FAT3: variants seen among roughly 807,000 people sequenced by gnomAD.
FAT3 encodes protocadherin Fat 3.
Under a neutral mutation model 310.2 loss-of-function variants are expected in FAT3, and 95 were observed. The observed-to-expected ratio is 0.31, with a 90% CI of 0.26 to 0.36. The LOEUF (loss-of-function observed/expected upper bound fraction) is 0.36, where lower values mean the gene tolerates loss of function less well. Among genes scored for constraint, FAT3 ranks in the 10% least tolerant of loss-of-function variants. The pLI is 1.00. For synonymous variants in FAT3, 2,314 were observed against 2,192.9 expected (o/e 1.06, Z -1.54); for missense variants, 5,408 against 5,715.6 (o/e 0.95, Z 1.74).
chr11:92,239,491 G>T (rs1864579738), intron 1 of FAT3, among the ~76,000 whole-genome samples: 1 of 152,122 alleles, frequency 6.6e-6, no homozygotes, highest in African/African-American at 2.4e-5. Context: ...CAGGCTCTCT[G>T]ACTCCACAAA....
intron 13 of FAT3, among the ~76,000 whole-genome samples, chr11:92,814,010 C>T (rs1258994593): frequency 6.6e-6 from 1 of 152,188 alleles, no homozygotes; most frequent in Non-Finnish European, 1.5e-5. Flanking sequence ...TTCAGGGAGC[C>T]TGTTCTTCTC....
chr11:92,475,158 G>C (rs1262010801), intron 2 of FAT3, among the ~76,000 whole-genome samples: 2 of 152,138 alleles, frequency 1.3e-5, no homozygotes, highest in East Asian at 3.9e-4. Flanking sequence ...TTTGAGGGTG[G>C]GGATTGTGTC....
chr11:92,616,581 T>C (rs541726845), intron 3 of FAT3, among the ~76,000 whole-genome samples: 1 of 152,362 alleles, frequency 6.6e-6, no homozygotes, highest in African/African-American at 2.4e-5. Context: ...TCGATGGTCT[T>C]TACAATTTGG....
chr11:92,476,274 C>A (rs1264832455), intron 2 of FAT3, among the ~76,000 whole-genome samples: 1 of 152,082 alleles, frequency 6.6e-6, no homozygotes, highest in Non-Finnish European at 1.5e-5. Flanking sequence ...AGCAATTGAC[C>A]AGATGGAAAT....
chr11:92,670,925 A>G (rs1187334932), intron 3 of FAT3, among the ~76,000 whole-genome samples: 1 of 152,158 alleles, frequency 6.6e-6, no homozygotes, highest in Non-Finnish European at 1.5e-5. Flanking sequence ...ACCCTTAAGT[A>G]GCTTTCCATT....
intron 2 of FAT3, chr11:92,400,075 A>C (rs751255861): frequency 3.3e-5 from 5 of 152,298 alleles, no homozygotes; most frequent in African/African-American, 7.2e-5. Flanking sequence ...TCAGGAAGGG[A>C]AAATACACTT....
chr11:92,681,332 G>A (rs1231751464), intron 3 of FAT3, among the ~76,000 whole-genome samples: 1 of 152,188 alleles, frequency 6.6e-6, no homozygotes, highest in Non-Finnish European at 1.5e-5. Context: ...CTTGGGAGGT[G>A]ACATTTGAAC....
At chr11:92,372,149 C>T (rs963252828) in intron 2 of FAT3, among the ~76,000 whole-genome samples, 12 of 152,122 alleles carry the variant, frequency 7.9e-5, no homozygotes, top group Non-Finnish European at 2.9e-5. Context: ...TCAAATCTGC[C>T]ACATAGACCA....
At chr11:92,539,607 G>C (rs1397146051) in intron 3 of FAT3, among the ~76,000 whole-genome samples, 6 of 152,098 alleles carry the variant, frequency 3.9e-5, no homozygotes, top group Non-Finnish European at 8.8e-5. Context: ...CAAGACAAAA[G>C]CACCTCACAG....
At chr11:92,663,657 C>G (rs960768356) in intron 3 of FAT3, among the ~76,000 whole-genome samples, 4 of 152,130 alleles carry the variant, frequency 2.6e-5, no homozygotes, top group African/African-American at 9.7e-5. Flanking sequence ...AGTTATCGCC[C>G]TTAAATGCTG....
chr11:92,438,179 T>C (rs1209479898), intron 2 of FAT3, among the ~76,000 whole-genome samples: 1 of 152,168 alleles, frequency 6.6e-6, no homozygotes, highest in Admixed American at 6.5e-5. Flanking sequence ...TAAGTAAGAA[T>C]TTAAAAATAA....
intron 20 of FAT3, among the ~76,000 whole-genome samples, chr11:92,858,831 T>C (rs1434541904): frequency 2.6e-5 from 4 of 152,198 alleles, no homozygotes; most frequent in Admixed American, 2.6e-4. Context: ...TGAAGGGGTA[T>C]CTTTTAATAA....
chr11:92,567,657 C>T (rs1447453918), intron 3 of FAT3, among the ~76,000 whole-genome samples: 2 of 151,862 alleles, frequency 1.3e-5, no homozygotes, highest in Non-Finnish European at 2.9e-5. Flanking sequence ...CAATGATAGA[C>T]TGGATTAAGA....
chr11:92,846,899 G>A (rs757024278), intron 19 of FAT3, among the ~76,000 whole-genome samples: 1 of 152,172 alleles, frequency 6.6e-6, no homozygotes, highest in Non-Finnish European at 1.5e-5. Flanking sequence ...GATTTTAGTG[G>A]TAAAGGAGCT....
At chr11:92,562,333 A>G (rs535285604) in intron 3 of FAT3, among the ~76,000 whole-genome samples, 9 of 152,162 alleles carry the variant, frequency 5.9e-5, no homozygotes, top group Non-Finnish European at 1.3e-4. Context: ...CTCTTTCTCT[A>G]CATTCTGTTT....
chr11:92,697,672 G>A (rs927588750), intron 4 of FAT3, among the ~76,000 whole-genome samples: 2 of 152,178 alleles, frequency 1.3e-5, no homozygotes, highest in Non-Finnish European at 2.9e-5. Flanking sequence ...TTTGCTGAAG[G>A]CAATGGTGTA....
intron 4 of FAT3, among the ~76,000 whole-genome samples, chr11:92,729,553 AG>A (rs1312810287): frequency 6.6e-6 from 1 of 151,762 alleles, no homozygotes; most frequent in African/African-American, 2.4e-5. Context: ...CAGCCTCCCA[AG>A]TAGCTGGGAT....
intron 6 of FAT3, among the ~76,000 whole-genome samples, chr11:92,769,021 G>C (rs1946392587): frequency 6.6e-6 from 1 of 152,170 alleles, no homozygotes; most frequent in Non-Finnish European, 1.5e-5. Context: ...CCCCATTTCT[G>C]CATTTCCAAA....
Position 92,712,685 on chromosome 11 carries a change from C to T in FAT3, c.3669+15240C>T, listed in dbSNP as rs945504154. The stretch of plus-strand genomic sequence containing the variant: ...ACCTCAACTTTACAATTAGTTCTTA[C>T]CTGAGAGGAGCTTTAGCTATCTAGG... On this transcript the variant is annotated intron_variant, in intron 4 of 27. Transcript: ENST00000525166. Among the ~76,000 whole-genome samples the T allele has an allele frequency of 5.3e-5, 8 of 152,244 alleles. 1 individual carries two copies. In the South Asian group the frequency reaches 1.7e-3, roughly 32 times the overall value.
Sources: allele counts gnomAD v4.1 joint callset (sites outside exome capture counted in the v4.1 genomes callset), GRCh38; gene constraint gnomAD v4.1.1; transcripts MANE v1.5; gene names NCBI Gene and HGNC (gene_info 2026-07-23, HGNC 2026-07-21).